IMMP2L: variants seen among roughly 807,000 people sequenced by gnomAD.
IMMP2L encodes inner mitochondrial membrane peptidase subunit 2, also known as mitochondrial inner membrane protease subunit 2.
IMMP2L carries 18 observed loss-of-function variants against 19.3 expected under a neutral mutation model. The ratio of observed to expected loss-of-function variants is 0.93; its 90% confidence interval spans 0.64 to 1.38. The LOEUF is 1.38. IMMP2L is among the 40% of genes most tolerant of loss of function. The probability of loss-of-function intolerance (pLI) is 0.00; values close to 1 mark genes in which losing one functional copy is unlikely to be tolerated. For synonymous variants in IMMP2L, 76 were observed against 73.0 expected (o/e 1.04, Z -0.21); for missense variants, 233 against 218.2 (o/e 1.07, Z -0.43).
At chr7:111,443,190 T>C (rs10279293) in intron 3 of IMMP2L, among the ~76,000 whole-genome samples, 3,592 of 151,846 alleles carry the variant, frequency 0.024, 216 homozygotes, top group African/African-American at 0.082. Context: ...AATGAGAAAA[T>C]AAAGCTCCAA....
At chr7:111,034,129 T>G (rs547574735) in intron 3 of IMMP2L, among the ~76,000 whole-genome samples, 2 of 152,248 alleles carry the variant, frequency 1.3e-5, no homozygotes, top group Admixed American at 6.5e-5. Context: ...AGGTAAATTA[T>G]ATTTCAATAA....
At chr7:110,667,542 A>C (rs569073594) in intron 5 of IMMP2L, among the ~76,000 whole-genome samples, 1 of 152,292 alleles carries the variant, frequency 6.6e-6, no homozygotes, top group African/African-American at 2.4e-5. Context: ...CTAAACAGTG[A>C]AAGCAGGAGG....
At chr7:111,063,497 A>T (rs1159987120) in intron 3 of IMMP2L, among the ~76,000 whole-genome samples, 1 of 152,114 alleles carries the variant, frequency 6.6e-6, no homozygotes, top group Non-Finnish European at 1.5e-5. Flanking sequence ...CTCACTACTT[A>T]CGCAAATTTC....
At chr7:110,905,188 G>T (rs755613806) in intron 4 of IMMP2L, among the ~76,000 whole-genome samples, 15 of 151,964 alleles carry the variant, frequency 9.9e-5, no homozygotes, top group Admixed American at 4.6e-4. Context: ...AAGTTTTTGG[G>T]TCAAATCATT....
chr7:111,440,933 A>T (rs1837647945), intron 3 of IMMP2L, among the ~76,000 whole-genome samples: 1 of 151,896 alleles, frequency 6.6e-6, no homozygotes, highest in South Asian at 2.1e-4. Flanking sequence ...CATGTTATGA[A>T]AGTGGTTTCT....
intron 5 of IMMP2L, among the ~76,000 whole-genome samples, chr7:110,805,489 G>C (rs1801568719): frequency 1.3e-5 from 2 of 152,012 alleles, no homozygotes; most frequent in African/African-American, 2.4e-5. Flanking sequence ...AGAATTGAAA[G>C]ATTTGCACCT....
chr7:110,753,000 G>T (rs1040608457), intron 5 of IMMP2L, among the ~76,000 whole-genome samples: 3 of 152,056 alleles, frequency 2.0e-5, no homozygotes, highest in African/African-American at 7.2e-5. Context: ...ACTAACACTT[G>T]TTTATCATGG....
intron 3 of IMMP2L, among the ~76,000 whole-genome samples, chr7:111,354,925 C>CTA (rs780285976): frequency 2.0e-4 from 30 of 151,944 alleles, no homozygotes; most frequent in Non-Finnish European, 3.8e-4. Context: ...AATCCCTACC[C>CTA]TATCCTGGAC....
chr7:111,444,141 A>T (rs1838045378), intron 3 of IMMP2L, among the ~76,000 whole-genome samples: 1 of 151,918 alleles, frequency 6.6e-6, no homozygotes, highest in Non-Finnish European at 1.5e-5. Flanking sequence ...TATTTTCCCC[A>T]TTCTCATATC....
intron 3 of IMMP2L, among the ~76,000 whole-genome samples, chr7:111,325,752 G>A (rs750175749): frequency 2.4e-4 from 36 of 151,354 alleles, no homozygotes; most frequent in Middle Eastern, 3.4e-3. Flanking sequence ...TTTACATTCC[G>A]ACCACGAGTA....
chr7:110,957,205 C>T (rs1336637708), intron 4 of IMMP2L, among the ~76,000 whole-genome samples: 1 of 151,872 alleles, frequency 6.6e-6, no homozygotes, highest in African/African-American at 2.4e-5. Context: ...TCATCTTTTA[C>T]AACATTTATT....
intron 3 of IMMP2L, among the ~76,000 whole-genome samples, chr7:111,242,405 T>A (rs551545460): frequency 6.6e-6 from 1 of 152,254 alleles, no homozygotes; most frequent in East Asian, 1.9e-4. Flanking sequence ...AATAAATGAA[T>A]CTGCCTTTCA....
chr7:111,239,146 T>C (rs1351334240), intron 3 of IMMP2L, among the ~76,000 whole-genome samples: 1 of 151,940 alleles, frequency 6.6e-6, no homozygotes, highest in Non-Finnish European at 1.5e-5. Context: ...TCTCTGTCAA[T>C]TTGAATAATG....
chr7:111,321,513 CT>C (rs570778544), intron 3 of IMMP2L, among the ~76,000 whole-genome samples: 273 of 151,222 alleles, frequency 1.8e-3, no homozygotes, highest in African/African-American at 5.4e-3. Context: ...CTACAACAAT[CT>C]TTTTTTTTCT....
At chr7:110,718,857 T>C (rs1260511202) in intron 5 of IMMP2L, among the ~76,000 whole-genome samples, 1 of 152,180 alleles carries the variant, frequency 6.6e-6, no homozygotes, top group Admixed American at 6.5e-5. Flanking sequence ...GAAGATACCT[T>C]TGAGCACTCA....
chr7:111,216,676 TG>T (rs1811959675), intron 3 of IMMP2L, among the ~76,000 whole-genome samples: 1 of 152,146 alleles, frequency 6.6e-6, no homozygotes, highest in Non-Finnish European at 1.5e-5. Flanking sequence ...ACCCTTAAAG[TG>T]GAATTTTCAA....
At chr7:111,549,794 A>G (rs924024846) in intron 1 of IMMP2L, among the ~76,000 whole-genome samples, 1 of 152,140 alleles carries the variant, frequency 6.6e-6, no homozygotes, top group African/African-American at 2.4e-5. Flanking sequence ...TACAAAGATT[A>G]GCCAGACATG....
chr7:111,208,472 G>A (rs214458), intron 3 of IMMP2L, among the ~76,000 whole-genome samples: 2 of 152,088 alleles, frequency 1.3e-5, no homozygotes, highest in African/African-American at 4.8e-5. Context: ...ATTTAATTAT[G>A]CCCTGGCCCA....
At chr7:110,884,632 C>G (rs370451021) in intron 5 of IMMP2L, among the ~76,000 whole-genome samples, 1 of 151,976 alleles carries the variant, frequency 6.6e-6, no homozygotes, top group South Asian at 2.1e-4. Flanking sequence ...CCAATCATAT[C>G]TGTGATGAGA....
Sources: gnomAD v4.1 joint callset for allele counts (sites outside exome capture counted in the v4.1 genomes callset) on GRCh38, gnomAD v4.1.1 for gene constraint, MANE v1.5 for transcripts, NCBI Gene and HGNC (gene_info 2026-07-23, HGNC 2026-07-21) for gene names.